IL3RA: variants seen among roughly 807,000 people sequenced by gnomAD.
IL3RA encodes the protein interleukin-3 receptor subunit alpha.
A neutral mutation model predicts 52.3 loss-of-function variants in IL3RA; 73 were observed. The observed-to-expected ratio is 1.40, with a 90% CI of 1.16 to 1.70. IL3RA has a LOEUF of 1.70. Ranked by LOEUF, IL3RA falls within the 40% of genes most tolerant of loss-of-function variation. The pLI, the probability that IL3RA is intolerant of heterozygous loss-of-function variation, is 0.00. For missense variants in IL3RA, 664 were observed against 504.4 expected (o/e 1.32, Z -3.03); for synonymous variants, 260 against 194.0 (o/e 1.34, Z -2.83).
At chrX:1,360,558 G>T (rs1398766768) in intron 8 of IL3RA, among the ~76,000 whole-genome samples, 1 of 151,168 alleles carries the variant, frequency 6.6e-6, no homozygotes, top group African/African-American at 2.4e-5. Context: ...TTCTCTTGTT[G>T]CCCAGGCTGG....
At chrX:1,359,605 TC>T (rs1402475561) in intron 8 of IL3RA, among the ~76,000 whole-genome samples, 1 of 149,762 alleles carries the variant, frequency 6.7e-6, no homozygotes, top group African/African-American at 2.5e-5. Flanking sequence ...TGTGTCTCTT[TC>T]CCTCCCTCTC....
Position 1,382,558 on chromosome X carries a change from C to T in IL3RA, c.*93C>T. The T allele has an allele frequency of 1.7e-6, 2 of 1,173,616 alleles. No individual in the cohort carries two copies. Among genetic ancestry groups the T allele is most frequent in the Non-Finnish European group, 2.6e-6 (2 of 779,772 alleles). The allele number at this position is 1,173,616 out of a possible 1,614,324, so 72.7% of individuals were successfully genotyped here. A position where few individuals can be genotyped will look rare whatever the true frequency, so the allele number is the denominator to read the frequency against. Reference sequence around the variant, plus strand: ...TGGCTGCTGGACCTGCGCACGCAGCCCAGGAATGGACATTCCTAACGGGTG... The same window carrying T: ...TGGCTGCTGGACCTGCGCACGCAGCTCAGGAATGGACATTCCTAACGGGTG... On this transcript the variant is annotated 3_prime_UTR_variant, in exon 12 of 12. Transcript: ENST00000331035.
At chrX:1,342,325 C>G (rs1321841292) in intron 2 of IL3RA, among the ~76,000 whole-genome samples, 1 of 151,644 alleles carries the variant, frequency 6.6e-6, no homozygotes, top group Admixed American at 6.6e-5. Flanking sequence ...ACCACCATAC[C>G]CGGCTAATTT....
At chrX:1,353,629 C>G (rs1313054236) in intron 6 of IL3RA, among the ~76,000 whole-genome samples, 2 of 10,482 alleles carry the variant, frequency 1.9e-4, no homozygotes, top group Admixed American at 1.6e-3. Context: ...GGTCATGGGA[C>G]CCCCCCCATC....
At position 1,352,216 on chromosome X, in the gene IL3RA, T is replaced by C; in HGVS notation, c.415T>C (p.Tyr139His). Reference protein sequence around the residue: ...GAPADVQYDLYLNVANRRQQY... With the variant: ...GAPADVQYDLHLNVANRRQQY... ...CCCCGCGGACGTCCAGTACGACCTG[T>C]ACTTGAACGTTGCCAAGTAGGTGTG... Residue 139 changes from tyrosine to histidine, a missense_variant, in exon 5 of 12, where the codon TAC becomes CAC. Transcript: ENST00000331035. 6.2e-7 allele frequency: 1 copy of C among 1,613,654 alleles called. No individual in the cohort carries two copies. The highest frequency in any genetic ancestry group is 8.5e-7 in the Non-Finnish European group (1 of 1,179,738).
At chrX:1,355,978 G>A (rs1180404422) in intron 6 of IL3RA, among the ~76,000 whole-genome samples, 1 of 151,986 alleles carries the variant, frequency 6.6e-6, no homozygotes, top group African/African-American at 2.4e-5. Context: ...CTGCTCCCAG[G>A]ACAGTGGGGC....
At chrX:1,380,809 G>A (rs1340345078) in intron 10 of IL3RA, among the ~76,000 whole-genome samples, 1 of 151,688 alleles carries the variant, frequency 6.6e-6, no homozygotes, top group Non-Finnish European at 1.5e-5. Flanking sequence ...TCCGGTACCA[G>A]CGCCCTACTC....
chrX:1,358,194 G>C (rs1327889837), intron 7 of IL3RA, among the ~76,000 whole-genome samples: 1 of 152,110 alleles, frequency 6.6e-6, no homozygotes, highest in South Asian at 2.1e-4. Context: ...GCCACAGGCA[G>C]AGTCGTAGCT....
chrX:1,382,435 G>A lies in IL3RA; in HGVS notation c.1107G>A (p.Val369=). The A allele has an allele frequency of 6.2e-7, 1 of 1,613,918 alleles. No individual in the cohort carries two copies. Among genetic ancestry groups the A allele is most frequent in the Non-Finnish European group, 8.5e-7 (1 of 1,179,838 alleles). Residue 369 remains valine (V), a synonymous_variant, in exon 12 of 12, where the codon GTG becomes GTA. Coordinates refer to ENST00000331035, the MANE Select transcript of IL3RA (RefSeq NM_002183.4). ...AAGCCGGCCTGGAGGAGTGTCTGGTGACTGAAGTACAGGTCGTGCAGAAAA... is the reference window on the plus strand; with the variant it reads ...AAGCCGGCCTGGAGGAGTGTCTGGTAACTGAAGTACAGGTCGTGCAGAAAA... ...AGKAGLEECL[V]TEVQVVQKT
chrX:1,378,321 C>G (rs1329801686), intron 9 of IL3RA, among the ~76,000 whole-genome samples: 3 of 152,230 alleles, frequency 2.0e-5, no homozygotes, highest in Non-Finnish European at 4.4e-5. Context: ...ACCCAAAGCA[C>G]CTGCCGGCCT....
intron 11 of IL3RA, 52 bp downstream of exon 11, chrX:1,381,156 T>C (rs756845989): frequency 6.4e-6 from 10 of 1,555,934 alleles, no homozygotes; most frequent in Non-Finnish European, 8.9e-7. Flanking sequence ...GTGGCCACTT[T>C]GGGAGGCCCA....
At chrX:1,362,556 T>A (rs2087532156) in intron 8 of IL3RA, among the ~76,000 whole-genome samples, 1 of 152,028 alleles carries the variant, frequency 6.6e-6, no homozygotes, top group Non-Finnish European at 1.5e-5. Flanking sequence ...GTCTCCCCTC[T>A]CTGTGTCTCT....
At chrX:1,377,863 ACT>A (rs1390126847) in intron 9 of IL3RA, among the ~76,000 whole-genome samples, 3 of 137,862 alleles carry the variant, frequency 2.2e-5, no homozygotes, top group Non-Finnish European at 4.6e-5. Flanking sequence ...GCAGAGCGAG[ACT>A]CTGTCTCAAA....
At chrX:1,339,765 C>T (rs1386104192) in intron 1 of IL3RA, among the ~76,000 whole-genome samples, 1 of 152,020 alleles carries the variant, frequency 6.6e-6, no homozygotes, top group African/African-American at 2.4e-5. Context: ...GCACTCCGGC[C>T]TGGACAACAA....
Position 1,345,913 on chromosome X carries a change from G to C in IL3RA, c.183+479G>C, listed in dbSNP as rs1260205500. ...TGCCCCGAAGTCAGGTGTGGGATTT[G>C]AAGTGACTTTGGAGGGTCTGGTTCC... On this transcript the variant is annotated intron_variant, in intron 3 of 11. Coordinates refer to ENST00000331035, the MANE Select transcript of IL3RA (RefSeq NM_002183.4). 7.2e-5 allele frequency among the ~76,000 whole-genome samples: 11 copies of C among 152,008 alleles called. 1 individual carries two copies. Among genetic ancestry groups the C allele is most frequent in the African/African-American group, 2.7e-4 (11 of 41,314 alleles).
chrX:1,348,961 TTCTCTCTC>T (rs764879062), intron 4 of IL3RA, among the ~76,000 whole-genome samples: 1 of 145,422 alleles, frequency 6.9e-6, no homozygotes, highest in Non-Finnish European at 1.5e-5. Flanking sequence ...CTCCTTCCCT[TTCTCTCTC>T]TCTCTCTTTC....
At chrX:1,364,014 C>G (rs1205106930) in intron 8 of IL3RA, among the ~76,000 whole-genome samples, 1 of 150,410 alleles carries the variant, frequency 6.6e-6, no homozygotes, top group Non-Finnish European at 1.5e-5. Flanking sequence ...AACCCTGTCT[C>G]TACTAAAAAA....
intron 10 of IL3RA, 151 bp from the exon 11 acceptor site, chrX:1,380,872 G>A: frequency 1.4e-6 from 1 of 706,224 alleles, no homozygotes; most frequent in Non-Finnish European, 2.5e-6. Flanking sequence ...GCGTGTCAGG[G>A]CCTCAGGGGC....
intron 8 of IL3RA, among the ~76,000 whole-genome samples, chrX:1,364,764 C>T (rs779453600): frequency 1.6e-4 from 25 of 151,758 alleles, no homozygotes; most frequent in Non-Finnish European, 2.8e-4. Flanking sequence ...AGGCATAAAC[C>T]GTAGCACCCA....
Sources: allele counts gnomAD v4.1 joint callset (sites outside exome capture counted in the v4.1 genomes callset), GRCh38; gene constraint gnomAD v4.1.1; transcripts MANE v1.5; gene names NCBI Gene and HGNC (gene_info 2026-07-23, HGNC 2026-07-21).